Variants in SGCG observed in about 807,000 individuals in gnomAD.
SGCG encodes the protein sarcoglycan gamma.
SGCG carries 26 observed loss-of-function variants against 29.3 expected under a neutral mutation model. The observed-to-expected ratio is 0.89, with a 90% CI of 0.65 to 1.23. SGCG has a LOEUF of 1.23. Among genes scored for constraint, SGCG ranks in the 50% most tolerant of loss-of-function variants. The pLI, the probability that SGCG is intolerant of heterozygous loss-of-function variation, is 0.00. For missense variants in SGCG, 353 were observed against 356.0 expected (o/e 0.99, Z 0.07); for synonymous variants, 145 against 129.7 (o/e 1.12, Z -0.80).
intron 4 of SGCG, among the ~76,000 whole-genome samples, chr13:23,251,508 C>A (rs1879967662): frequency 6.6e-6 from 1 of 152,168 alleles, no homozygotes; most frequent in Non-Finnish European, 1.5e-5. Context: ...GCAGGCCAGG[C>A]ATGGTGGCTC....
chr13:23,225,780 TAC>T (rs60718653), intron 2 of SGCG, among the ~76,000 whole-genome samples: 30,159 of 148,438 alleles, frequency 0.2, 3,461 homozygotes, highest in East Asian at 0.42. Flanking sequence ...GGACATGTCA[TAC>T]ACACACACAC....
intron 4 of SGCG, among the ~76,000 whole-genome samples, chr13:23,256,801 C>T (rs1043793636): frequency 2.6e-5 from 4 of 152,158 alleles, no homozygotes; most frequent in African/African-American, 9.7e-5. Context: ...GGGTTAGTTC[C>T]AAGTCTTTGC....
intron 2 of SGCG, among the ~76,000 whole-genome samples, chr13:23,216,100 ACTAAATAC>A (rs1181509536): frequency 6.6e-6 from 1 of 152,112 alleles, no homozygotes; most frequent in Non-Finnish European, 1.5e-5. Context: ...TGGACATTCC[ACTAAATAC>A]CTAAAACTCT....
chr13:23,253,444 G>A (rs1880054944), intron 4 of SGCG, among the ~76,000 whole-genome samples: 1 of 152,066 alleles, frequency 6.6e-6, no homozygotes, highest in Admixed American at 6.6e-5. Flanking sequence ...CAAATCCAAG[G>A]TTTTCTTCCG....
At chr13:23,196,234 C>G (rs1708249699) in intron 1 of SGCG, among the ~76,000 whole-genome samples, 1 of 152,036 alleles carries the variant, frequency 6.6e-6, no homozygotes, top group Non-Finnish European at 1.5e-5. Context: ...AGTTTTGCCC[C>G]AGTACAGATA....
At chr13:23,235,757 A>G (rs573262133) in intron 3 of SGCG, among the ~76,000 whole-genome samples, 2 of 152,282 alleles carry the variant, frequency 1.3e-5, no homozygotes, top group African/African-American at 4.8e-5. Flanking sequence ...CAGAGTCTTC[A>G]TTTTCCTTTC....
chr13:23,260,992 G>A (rs1351265243), intron 4 of SGCG, among the ~76,000 whole-genome samples: 2 of 152,094 alleles, frequency 1.3e-5, no homozygotes, highest in South Asian at 4.2e-4. Context: ...TTCAACCTTG[G>A]TGAATCTGAC....
At chr13:23,315,075 G>A (rs574786189) in intron 6 of SGCG, among the ~76,000 whole-genome samples, 1 of 152,220 alleles carries the variant, frequency 6.6e-6, no homozygotes, top group Admixed American at 6.5e-5. Context: ...GGCAGATAGG[G>A]ACGCTGTTTA....
rs189391455 is a variant in SGCG at position 23,215,100 on chromosome 13, T to G, written c.195+11211T>G. ...AGTGATTTAACCATATTACAGCAAT[T>G]GGGAAATAAAGAAGGCAACAGCACA... On this transcript the variant is annotated intron_variant, in intron 2 of 7. Transcript: ENST00000218867. 6.6e-5 allele frequency among the ~76,000 whole-genome samples: 10 copies of G among 152,262 alleles called. No individual in the cohort carries two copies. The East Asian group carries it at 1.9e-3, about 29-fold the overall frequency.
intron 5 of SGCG, among the ~76,000 whole-genome samples, chr13:23,281,285 A>G (rs1881295874): frequency 6.6e-6 from 1 of 151,900 alleles, no homozygotes; most frequent in South Asian, 2.1e-4. Flanking sequence ...GGTTGCAGTG[A>G]GCAGAGATTG....
chr13:23,163,861 G>A, the SGCG span, among the ~76,000 whole-genome samples: 1 of 152,166 alleles, frequency 6.6e-6, no homozygotes, highest in Non-Finnish European at 1.5e-5. Context: ...CTAAAACTAA[G>A]TAATAAAGTT....
chr13:23,162,052 C>T, the SGCG span, among the ~76,000 whole-genome samples: 3 of 152,188 alleles, frequency 2.0e-5, no homozygotes, highest in Admixed American at 6.5e-5. Context: ...ACATAACAGA[C>T]TATAAAATCA....
At chr13:23,177,324 G>T (rs1876589254), upstream of SGCG, among the ~76,000 whole-genome samples, 1 of 152,042 alleles carries the variant, frequency 6.6e-6, no homozygotes, top group Non-Finnish European at 1.5e-5. Flanking sequence ...CAACACAAAG[G>T]TATTGTGTAT....
chr13:23,317,990 C>T (rs1409132478), intron 6 of SGCG, among the ~76,000 whole-genome samples: 1 of 152,162 alleles, frequency 6.6e-6, no homozygotes, highest in East Asian at 1.9e-4. Flanking sequence ...AAATATAATG[C>T]AGGCAGAAAA....
In SGCG at chr13:23,203,684, C is replaced by T. The variant is rs1002721062; in HGVS notation, c.1-11C>T. ...CTTTCTCTCTCCTCTCGTGAACACACTCCGTGGCAGATGGTGCGTGAGCAG... is the reference window on the plus strand; with the variant it reads ...CTTTCTCTCTCCTCTCGTGAACACATTCCGTGGCAGATGGTGCGTGAGCAG... On this transcript the variant is annotated splice_polypyrimidine_tract_variant and intron_variant, in intron 1 of 7. Coordinates refer to ENST00000218867, the MANE Select transcript of SGCG (RefSeq NM_000231.3). 1.5e-5 allele frequency: 24 copies of T among 1,605,980 alleles called. No homozygotes were observed. Among genetic ancestry groups the T allele is most frequent in the Non-Finnish European group, 2.0e-5 (24 of 1,174,658 alleles).
chr13:23,177,751 G>C (rs376153086), upstream of SGCG, among the ~76,000 whole-genome samples: 7 of 148,176 alleles, frequency 4.7e-5, no homozygotes, highest in South Asian at 2.2e-4. Context: ...TTTTTTTTCT[G>C]TATTTTTAGT....
At chr13:23,255,184 T>C (rs936925851) in intron 4 of SGCG, among the ~76,000 whole-genome samples, 1 of 152,174 alleles carries the variant, frequency 6.6e-6, no homozygotes, top group Non-Finnish European at 1.5e-5. Flanking sequence ...CCACCGGCAC[T>C]CAACTCCAAC....
chr13:23,248,930 G>T (rs1593196566), intron 3 of SGCG, among the ~76,000 whole-genome samples: 2 of 146,796 alleles, frequency 1.4e-5, no homozygotes, highest in African/African-American at 5.1e-5. Context: ...GGCGGAGCTT[G>T]CAGTGAGCCG....
chr13:23,276,413 G>C (rs1290874270), intron 4 of SGCG, among the ~76,000 whole-genome samples: 8 of 128,440 alleles, frequency 6.2e-5, no homozygotes, highest in African/African-American at 1.9e-4. Flanking sequence ...AAGCATGAAC[G>C]CTTTCTTTTT....
Sources: gnomAD v4.1 joint callset for allele counts (sites outside exome capture counted in the v4.1 genomes callset) on GRCh38, gnomAD v4.1.1 for gene constraint, MANE v1.5 for transcripts, NCBI Gene and HGNC (gene_info 2026-07-23, HGNC 2026-07-21) for gene names.